Variants in TXNRD1 observed in about 807,000 individuals in gnomAD.
TXNRD1 encodes the protein thioredoxin reductase 1, also known as thioredoxin reductase 1, cytoplasmic.
TXNRD1 carries 57 observed loss-of-function variants against 80.3 expected under a neutral mutation model. The ratio of observed to expected loss-of-function variants is 0.71; its 90% CI spans 0.57 to 0.89. The LOEUF (loss-of-function observed/expected upper bound fraction) is 0.89. Ranked by LOEUF, TXNRD1 falls within the 40% of genes least tolerant of loss-of-function variation. TXNRD1 has a pLI of 0.00. For missense variants in TXNRD1, 730 were observed against 803.0 expected (o/e 0.91, Z 1.10); for synonymous variants, 291 against 285.2 (o/e 1.02, Z -0.20).
chr12:104,311,556 G>T, intron 5 of TXNRD1, 144 bp downstream of exon 5: 1 of 1,022,040 alleles, frequency 9.8e-7, no homozygotes, highest in African/African-American at 1.6e-5. Flanking sequence ...GCAGGACATG[G>T]ACATCGTAAG....
chr12:104,248,702 G>A (rs1278185816), intron 1 of TXNRD1, among the ~76,000 whole-genome samples: 2 of 152,166 alleles, frequency 1.3e-5, no homozygotes, highest in African/African-American at 2.4e-5. Flanking sequence ...GGGTTGAAAG[G>A]CCTCCCTTCC....
chr12:104,319,905 A>T (rs767343138), intron 9 of TXNRD1, among the ~76,000 whole-genome samples: 1 of 152,282 alleles, frequency 6.6e-6, no homozygotes, highest in Non-Finnish European at 1.5e-5. Flanking sequence ...AACCAAATGG[A>T]TATTCACAAA....
intron 4 of TXNRD1, among the ~76,000 whole-genome samples, chr12:104,305,921 C>A (rs61937910): frequency 6.6e-6 from 1 of 151,882 alleles, no homozygotes. Flanking sequence ...TTTTTTCCCC[C>A]TCGAGACAGA....
intron 12 of TXNRD1, 30 bp from the exon 13 acceptor site, chr12:104,327,485 A>G (rs1050738636): frequency 1.3e-6 from 2 of 1,586,644 alleles, no homozygotes; most frequent in African/African-American, 1.3e-5. Context: ...ATGGTAATTA[A>G]TGATGATTTT....
intron 16 of TXNRD1, among the ~76,000 whole-genome samples, chr12:104,347,919 A>G (rs1041293869): frequency 1.8e-4 from 27 of 152,194 alleles, no homozygotes; most frequent in African/African-American, 6.3e-4. Flanking sequence ...AGAGAAATGC[A>G]GGAAGAAATG....
chr12:104,289,154 G>T (rs2034086262), intron 4 of TXNRD1, 114 bp downstream of exon 4: 6 of 1,323,688 alleles, frequency 4.5e-6, no homozygotes, highest in African/African-American at 2.9e-5. Context: ...GGGACGCAGC[G>T]CTGGGAAATG....
At chr12:104,288,776 A>G (rs2034064240) in intron 3 of TXNRD1, 155 bp from the exon 4 acceptor site, 2 of 1,536,332 alleles carry the variant, frequency 1.3e-6, no homozygotes, top group Non-Finnish European at 1.8e-6. Context: ...AGCCTTTGTC[A>G]GAAATGCAGC....
At chr12:104,241,266 C>T (rs6539130) in intron 1 of TXNRD1, among the ~76,000 whole-genome samples, 101,653 of 151,416 alleles carry the variant, frequency 0.67, 34,654 homozygotes, top group Non-Finnish European at 0.74. Context: ...GTGTCAAACT[C>T]CTGACCTGGT....
chr12:104,235,534 G>A (rs768496995), intron 1 of TXNRD1, among the ~76,000 whole-genome samples: 3 of 152,132 alleles, frequency 2.0e-5, no homozygotes, highest in East Asian at 1.9e-4. Context: ...TTTACCAGTC[G>A]GGCTTTTGGC....
intron 10 of TXNRD1, 46 bp from the exon 11 acceptor site, chr12:104,325,291 T>C (rs1022310475): frequency 1.4e-6 from 2 of 1,467,308 alleles, no homozygotes; most frequent in Non-Finnish European, 1.9e-6. Context: ...AGAATCCAAC[T>C]TGATAAATGT....
intron 16 of TXNRD1, 138 bp downstream of exon 16, chr12:104,339,411 T>C: frequency 3.9e-6 from 5 of 1,272,964 alleles, no homozygotes; most frequent in Non-Finnish European, 5.7e-6. Flanking sequence ...CTCTAAAAAT[T>C]AGTTTTTGTC....
At chr12:104,291,644 T>C (rs2034220643) in intron 4 of TXNRD1, among the ~76,000 whole-genome samples, 2 of 151,866 alleles carry the variant, frequency 1.3e-5, no homozygotes, top group African/African-American at 4.8e-5. Context: ...CCACCGTGCC[T>C]AGCTAATTTT....
chr12:104,295,283 G>A (rs1052424299), intron 4 of TXNRD1, among the ~76,000 whole-genome samples: 3 of 152,062 alleles, frequency 2.0e-5, no homozygotes, highest in African/African-American at 4.8e-5. Flanking sequence ...TCAGATTTCC[G>A]GTCACTTCTC....
At chr12:104,309,778 A>C (rs779127043) in intron 4 of TXNRD1, 180 of 1,531,560 alleles carry the variant, frequency 1.2e-4, no homozygotes, top group Middle Eastern at 3.3e-4. Context: ...TTGAAGGAGG[A>C]ACCTTGGCCA....
In TXNRD1 at chr12:104,249,805, G is replaced by C. The variant is rs553913198; in HGVS notation, c.92-1722G>C. On this transcript the variant is annotated intron_variant, in intron 1 of 16. Coordinates refer to ENST00000525566, the MANE Select transcript of TXNRD1 (RefSeq NM_001093771.3). ...AAAAAATTAGCCGGGCGTGGTGGCAGGCGCCTGTAGTCCCAGCTACTCGCG... is the reference window on the plus strand; with the variant it reads ...AAAAAATTAGCCGGGCGTGGTGGCACGCGCCTGTAGTCCCAGCTACTCGCG... Among the ~76,000 whole-genome samples the C allele has an allele frequency of 5.7e-3, 867 of 151,910 alleles. 4 individuals are homozygous for C. Among genetic ancestry groups the C allele is most frequent in the Non-Finnish European group, 8.6e-3 (584 of 67,954 alleles).
intron 6 of TXNRD1, among the ~76,000 whole-genome samples, chr12:104,315,138 A>G (rs993659987): frequency 6.6e-6 from 1 of 152,210 alleles, no homozygotes; most frequent in East Asian, 1.9e-4. Flanking sequence ...GCATAGATTC[A>G]ATGGCAAGTG....
chr12:104,336,370 T>C (rs2135877039), intron 15 of TXNRD1, among the ~76,000 whole-genome samples: 1 of 152,336 alleles, frequency 6.6e-6, no homozygotes. Context: ...AAGATAGTAA[T>C]AGAGAAGATG....
In TXNRD1 at chr12:104,275,024, C is replaced by T. The variant is rs999281537; in HGVS notation, c.305-13907C>T. On this transcript the variant is annotated intron_variant, in intron 3 of 16. Transcript: ENST00000525566. ...TGCATGTACTAGCATGTGCATATTA[C>T]GCATGTGTGTACATGTAATGCAGAA... Among the ~76,000 whole-genome samples the T allele has an allele frequency of 1.4e-4, 22 of 152,182 alleles. 1 individual carries two copies. Among genetic ancestry groups the T allele is most frequent in the Admixed American group, 1.4e-3 (22 of 15,282 alleles).
intron 11 of TXNRD1, among the ~76,000 whole-genome samples, chr12:104,325,949 C>T (rs777418002): frequency 6.6e-6 from 1 of 151,674 alleles, no homozygotes; most frequent in Non-Finnish European, 1.5e-5. Flanking sequence ...TATTATTAGT[C>T]AAATGGCTAT....
Sources: gnomAD v4.1 joint callset for allele counts (sites outside exome capture counted in the v4.1 genomes callset) on GRCh38, gnomAD v4.1.1 for gene constraint, MANE v1.5 for transcripts, NCBI Gene and HGNC (gene_info 2026-07-23, HGNC 2026-07-21) for gene names.